The following SIRT6 variants were observed in gnomAD, a reference collection of about 807,000 sequenced individuals.
The protein encoded by SIRT6 is NAD-dependent protein deacylase sirtuin-6.
A neutral mutation model predicts 33.6 loss-of-function variants in SIRT6; 21 were observed. That is an observed-to-expected ratio of 0.62 (90% CI 0.44 to 0.90). The LOEUF (loss-of-function observed/expected upper bound fraction) is 0.90. Ranked by LOEUF, SIRT6 falls within the 40% of genes least tolerant of loss-of-function variation. The probability of loss-of-function intolerance (pLI) is 0.00; values close to 1 mark genes in which losing one functional copy is unlikely to be tolerated. For synonymous variants in SIRT6, 221 were observed against 223.9 expected (o/e 0.99, Z 0.12); for missense variants, 504 against 510.6 (o/e 0.99, Z 0.12).
chr19:4,182,211 C>G, intron 1 of SIRT6: 1 of 489,432 alleles, frequency 2.0e-6, no homozygotes, highest in Non-Finnish European at 3.6e-6. Context: ...TTATTCCCAC[C>G]TCCCTTTGCG....
Position 4,177,104 on chromosome 19 carries a change from C to A in SIRT6, c.412G>T (p.Val138Leu). The change falls in exon 4 of 8, where the codon GTG becomes TTG. Residue 138 changes from valine to leucine, a missense_variant. Coordinates refer to ENST00000337491, the MANE Select transcript of SIRT6 (RefSeq NM_016539.4). ...GTCTTACACTTGGCACATTCTTCCACAAACATGTTCCCGTGGAGCTCTGCC... is the reference window on the plus strand; with the variant it reads ...GTCTTACACTTGGCACATTCTTCCAAAAACATGTTCCCGTGGAGCTCTGCC... ...KLAELHGNMF[V>L]EECAKCKTQY... 1 of 1,614,036 alleles carries A rather than the reference C, an allele frequency of 6.2e-7. No individual in the cohort carries two copies. Among genetic ancestry groups the A allele is most frequent in the South Asian group, 1.1e-5 (1 of 91,068 alleles).
chr19:4,177,147 A>T lies in SIRT6; in HGVS notation c.378-9T>A, dbSNP rs746160555. On this transcript the variant is annotated splice_polypyrimidine_tract_variant and intron_variant, in intron 3 of 7. Coordinates refer to ENST00000337491, the MANE Select transcript of SIRT6 (RefSeq NM_016539.4). ...GCTCTGCCAGTTTGTCCCTGTGGGA[A>T]GAGCAGGAAGAGGCTTGATGGTGGG... The T allele has an allele frequency of 6.2e-7, 1 of 1,613,774 alleles. No individual in the cohort carries two copies. Among genetic ancestry groups the T allele is most frequent in the Non-Finnish European group, 8.5e-7 (1 of 1,179,822 alleles).
chr19:4,174,745 C>T lies in SIRT6; in HGVS notation c.940G>A (p.Gly314Ser), dbSNP rs200813796. The change falls in exon 8 of 8, where the codon GGC (glycine) becomes AGC (serine). Residue 314 changes from glycine to serine, a missense_variant. Transcript: ENST00000337491. The surrounding 1 kb of genome is among the most constrained non-coding windows in gnomAD (Gnocchi z 4.2). ...PTRINGSIPAGPKQEPCAQHN... is the reference protein window; with the variant it reads ...PTRINGSIPASPKQEPCAQHN... ...TGGGCGCAGGGCTCCTGCTTGGGGC[C>T]GGCGGGGATAGAGCCGTTGATCCGG... 5.0e-4 allele frequency: 687 copies of T among 1,376,846 alleles called. 10 individuals carry two copies. In the Middle Eastern group the frequency reaches 5.5e-3, roughly 11 times the overall value. 85.3% of individuals were successfully genotyped at this position (1,376,846 alleles called of 1,614,324 possible).
At chr19:4,179,552 G>A (rs1219196737) in intron 2 of SIRT6, 2 of 520,178 alleles carry the variant, frequency 3.8e-6, no homozygotes, top group East Asian at 3.3e-5. Context: ...GAGACAGAGA[G>A]AGGGAGAGGC....
At chr19:4,176,225 C>G (rs955152343) in intron 4 of SIRT6, among the ~76,000 whole-genome samples, 1 of 152,196 alleles carries the variant, frequency 6.6e-6, no homozygotes, top group Non-Finnish European at 1.5e-5. Context: ...ACAATTGGAG[C>G]ATGGGGGCGA....
At chr19:4,175,459 G>C (rs1042271492) in intron 6 of SIRT6, 4 of 625,656 alleles carry the variant, frequency 6.4e-6, no homozygotes, top group Non-Finnish European at 8.2e-6. Context: ...GGAGACACCT[G>C]GCGGAAGCCT....
Position 4,182,546 on chromosome 19 carries a change from C to G in SIRT6, c.-7G>C, listed in dbSNP as rs1233261044. ...CCGCGTAATTCACCGACATCCTCGA[C>G]TGCCCCACGGGAACAATAAAGTTTC... is the stretch of plus-strand genomic sequence containing the variant. On this transcript the variant is annotated 5_prime_UTR_variant, in exon 1 of 8. Coordinates refer to ENST00000337491, the MANE Select transcript of SIRT6 (RefSeq NM_016539.4). 1.9e-6 allele frequency: 3 copies of G among 1,609,900 alleles called. No individual in the cohort carries two copies. Among genetic ancestry groups the G allele is most frequent in the African/African-American group, 1.3e-5 (1 of 74,744 alleles).
intron 3 of SIRT6, among the ~76,000 whole-genome samples, chr19:4,177,426 C>T (rs1285724842): frequency 1.3e-5 from 2 of 152,010 alleles, no homozygotes; most frequent in Admixed American, 1.3e-4. Context: ...AATGCCCGTC[C>T]CCCTCCGAGA....
intron 2 of SIRT6, 22 bp downstream of exon 2, chr19:4,180,760 C>A (rs767486127): frequency 6.3e-7 from 1 of 1,589,208 alleles, no homozygotes; most frequent in Admixed American, 1.8e-5. Flanking sequence ...CTTGCCTCGA[C>A]TTCCCCTGCA....
chr19:4,181,707 G>A (rs1390895123), intron 1 of SIRT6, among the ~76,000 whole-genome samples: 2 of 152,136 alleles, frequency 1.3e-5, no homozygotes, highest in South Asian at 2.1e-4. Context: ...CAGGAGAATC[G>A]CTTGAACCTA....
intron 4 of SIRT6, among the ~76,000 whole-genome samples, chr19:4,176,389 C>T (rs1734881017): frequency 6.6e-6 from 1 of 152,144 alleles, no homozygotes; most frequent in Non-Finnish European, 1.5e-5. Context: ...AGGAGTTCGA[C>T]ACCAGCCTGG....
intron 4 of SIRT6, 64 bp downstream of exon 4, chr19:4,177,015 C>T (rs1458018524): frequency 6.9e-7 from 1 of 1,444,020 alleles, no homozygotes; most frequent in Non-Finnish European, 9.6e-7. Context: ...GTCTCTGGGA[C>T]ATCGGATTCG....
intron 2 of SIRT6, among the ~76,000 whole-genome samples, chr19:4,179,891 A>T (rs1367953027): frequency 2.6e-5 from 4 of 152,146 alleles, no homozygotes; most frequent in Non-Finnish European, 5.9e-5. Flanking sequence ...TGCTGGGAAG[A>T]GCCCATGAGT....
chr19:4,177,734 G>A (rs1303531861), intron 3 of SIRT6, among the ~76,000 whole-genome samples: 2 of 151,970 alleles, frequency 1.3e-5, no homozygotes, highest in East Asian at 3.9e-4. Context: ...GGGACTACAG[G>A]CGCCCGCCAC....
At position 4,179,256 on chromosome 19, in the gene SIRT6, C is replaced by T. The variant is rs775804471; in HGVS notation, c.225G>A (p.Glu75=). 5.6e-6 allele frequency: 9 copies of T among 1,607,220 alleles called. No individual in the cohort carries two copies. Among genetic ancestry groups the T allele is most frequent in the African/African-American group, 1.3e-5 (1 of 74,874 alleles). ...TGTCGAACTTGGGGGCCAGACCTCG[C>T]TCCTCCATGGTCCAGACTCCGTGGG... ...RGPHGVWTME[E]RGLAPKFDTT... is the part of the protein sequence containing the mutation. Residue 75 remains glutamate, a synonymous_variant, in exon 3 of 8, where the codon GAG becomes GAA. Coordinates refer to ENST00000337491, the MANE Select transcript of SIRT6 (RefSeq NM_016539.4).
In SIRT6 at chr19:4,174,927, C is replaced by T. The variant is rs200612766; in HGVS notation, c.758G>A (p.Arg253His). The T allele has an allele frequency of 4.4e-6, 7 of 1,606,904 alleles. No homozygotes were observed. Among genetic ancestry groups the T allele is most frequent in the South Asian group, 2.2e-5 (2 of 91,004 alleles). Residue 253 changes from arginine to histidine, a missense_variant, in exon 8 of 8, where the codon CGC (arginine) becomes CAC (histidine). By Grantham distance (29) the Arg-to-His change is conservative. Coordinates refer to ENST00000337491, the MANE Select transcript of SIRT6 (RefSeq NM_016539.4). This position sits in a 1 kb window ranked among gnomAD's most constrained non-coding sequence, Gnocchi z 4.2. ...PTKHDRHADL[R>H]IHGYVDEVMT... is the part of the protein sequence containing the mutation. ...GACCTCGTCAACGTAGCCATGGATG[C>T]GGAGGTCAGCATGGCGGTCCTGCCG...
At chr19:4,180,093 CTTTTTTTTTTTTTTT>C (rs71166971) in intron 2 of SIRT6, among the ~76,000 whole-genome samples, 3 of 45,902 alleles carry the variant, frequency 6.5e-5, no homozygotes, top group African/African-American at 3.0e-4. Flanking sequence ...CACGCCTTGG[CTTTTTTTTTTTTTTT>C]TTTTTTTTTT....
At chr19:4,175,985 G>A (rs1364835917) in intron 4 of SIRT6, 48 bp from the exon 5 acceptor site, 10 of 1,496,684 alleles carry the variant, frequency 6.7e-6, no homozygotes, top group Non-Finnish European at 9.1e-6. Context: ...AGCTCCCATG[G>A]GTGACTCTCG....
chr19:4,181,435 C>G (rs1018091345), intron 1 of SIRT6, among the ~76,000 whole-genome samples: 1 of 152,182 alleles, frequency 6.6e-6, no homozygotes, highest in Non-Finnish European at 1.5e-5. Context: ...TGGCTGTGGC[C>G]TTAGTACCTA....
Sources: allele counts gnomAD v4.1 joint callset (sites outside exome capture counted in the v4.1 genomes callset), GRCh38; gene constraint gnomAD v4.1.1; non-coding constraint Gnocchi (gnomAD v3.1); transcripts MANE v1.5; gene names NCBI Gene and HGNC (gene_info 2026-07-23, HGNC 2026-07-21).